Variants in EYS observed in about 807,000 individuals in gnomAD.
EYS encodes EGF-like photoreceptor maintenance factor.
EYS carries 250 observed loss-of-function variants against 282.1 expected under a neutral mutation model. That is an observed-to-expected ratio of 0.89 (90% CI 0.80 to 0.98). EYS has a LOEUF of 0.98. EYS is among the 50% of genes least tolerant of loss of function. The probability of loss-of-function intolerance (pLI) is 0.00; values close to 1 mark genes in which losing one functional copy is unlikely to be tolerated. For missense variants in EYS, 4,016 were observed against 3,709.0 expected (o/e 1.08, Z -2.15); for synonymous variants, 1,355 against 1,282.9 (o/e 1.06, Z -1.20).
At chr6:64,582,496 T>C (rs1766102837) in intron 26 of EYS, among the ~76,000 whole-genome samples, 2 of 152,066 alleles carry the variant, frequency 1.3e-5, no homozygotes, top group Admixed American at 1.3e-4. Context: ...ATTGGTATAG[T>C]TATAGCTGTG....
At chr6:63,799,525 C>T (rs1770734147) in intron 37 of EYS, among the ~76,000 whole-genome samples, 1 of 152,056 alleles carries the variant, frequency 6.6e-6, no homozygotes, top group Admixed American at 6.6e-5. Flanking sequence ...GAGAGACTTT[C>T]AGTTAGTGAA....
chr6:65,288,647 A>G lies in EYS; in HGVS notation c.2023+7216T>C, dbSNP rs1582104172. ...AGTTACCATACATATGGCAAAAGAC[A>G]CTAGTTGGAATTTCACAAATGTAGG... On this transcript the variant is annotated intron_variant, in intron 12 of 42. Coordinates refer to ENST00000503581, the MANE Select transcript of EYS (RefSeq NM_001142800.2). 4.0e-5 allele frequency among the ~76,000 whole-genome samples: 6 copies of G among 151,174 alleles called. No individual in the cohort carries two copies. The South Asian group carries it at 1.0e-3, about 26-fold the overall frequency.
At chr6:63,799,520 A>G (rs1324672009) in intron 37 of EYS, among the ~76,000 whole-genome samples, 1 of 152,098 alleles carries the variant, frequency 6.6e-6, no homozygotes, top group Non-Finnish European at 1.5e-5. Context: ...CCACAGAGAG[A>G]CTTTCAGTTA....
intron 33 of EYS, among the ~76,000 whole-genome samples, chr6:64,049,141 A>T (rs949623297): frequency 2.6e-5 from 4 of 152,184 alleles, no homozygotes; most frequent in Admixed American, 2.6e-4. Flanking sequence ...ATAAACAGTG[A>T]TCAGTTGTTT....
chr6:64,086,718 C>T (rs1005975425), intron 31 of EYS, among the ~76,000 whole-genome samples: 1 of 152,044 alleles, frequency 6.6e-6, no homozygotes, highest in Admixed American at 6.6e-5. Context: ...CAATTGTTGG[C>T]ATAAATATAG....
At chr6:65,482,581 C>A (rs1383316170) in intron 5 of EYS, among the ~76,000 whole-genome samples, 1 of 152,192 alleles carries the variant, frequency 6.6e-6, no homozygotes, top group Non-Finnish European at 1.5e-5. Context: ...CTATTCTTCA[C>A]AAATTCTACC....
chr6:64,803,655 T>C (rs932715555), intron 22 of EYS, among the ~76,000 whole-genome samples: 2 of 152,140 alleles, frequency 1.3e-5, no homozygotes, highest in African/African-American at 4.8e-5. Context: ...TGCAGGTCCA[T>C]AGGGAGCTAC....
At chr6:64,408,753 CTT>C (rs1486177567) in intron 28 of EYS, among the ~76,000 whole-genome samples, 3 of 152,118 alleles carry the variant, frequency 2.0e-5, no homozygotes, top group African/African-American at 4.8e-5. Context: ...CAATATGACT[CTT>C]TTGTTTTTTC....
intron 33 of EYS, among the ~76,000 whole-genome samples, chr6:64,057,330 T>C (rs1771018347): frequency 6.6e-6 from 1 of 152,030 alleles, no homozygotes; most frequent in Non-Finnish European, 1.5e-5. Flanking sequence ...AGCAACTTGT[T>C]GAGGAGGAAT....
chr6:63,912,403 T>G (rs1019485361), intron 35 of EYS, among the ~76,000 whole-genome samples: 1 of 152,124 alleles, frequency 6.6e-6, no homozygotes, highest in Non-Finnish European at 1.5e-5. Flanking sequence ...ATTTTAATAA[T>G]ATATTCTTTT....
At chr6:64,346,731 A>C (rs1219566388) in intron 29 of EYS, among the ~76,000 whole-genome samples, 1 of 151,546 alleles carries the variant, frequency 6.6e-6, no homozygotes, top group Admixed American at 6.6e-5. Flanking sequence ...AACAAAACAA[A>C]AAAACATTTT....
chr6:64,204,676 G>T (rs1166430257), intron 31 of EYS, among the ~76,000 whole-genome samples: 1 of 152,118 alleles, frequency 6.6e-6, no homozygotes, highest in Non-Finnish European at 1.5e-5. Context: ...GCAAACAGTG[G>T]ATGCTTCTGG....
intron 31 of EYS, among the ~76,000 whole-genome samples, chr6:64,156,347 TC>T (rs1460856803): frequency 1.3e-5 from 2 of 152,174 alleles, no homozygotes; most frequent in African/African-American, 4.8e-5. Context: ...TTCTGAGGCC[TC>T]CCCAGTCATG....
At chr6:64,384,313 A>G (rs1411838239) in intron 29 of EYS, among the ~76,000 whole-genome samples, 3 of 152,232 alleles carry the variant, frequency 2.0e-5, no homozygotes, top group African/African-American at 7.2e-5. Flanking sequence ...TGTTGAAATT[A>G]TAAACTAATT....
intron 2 of EYS, among the ~76,000 whole-genome samples, chr6:65,513,943 C>T (rs1002885953): frequency 1.6e-4 from 24 of 152,050 alleles, no homozygotes; most frequent in Non-Finnish European, 2.9e-4. Context: ...CTGGTCAGGG[C>T]AATTAGGCAG....
chr6:65,663,790 C>T (rs553404570), intron 1 of EYS, among the ~76,000 whole-genome samples: 24 of 151,530 alleles, frequency 1.6e-4, no homozygotes, highest in African/African-American at 4.6e-4. Context: ...CAGGCCATTT[C>T]CTGCCTCAGC....
intron 14 of EYS, among the ~76,000 whole-genome samples, chr6:64,983,044 C>T (rs1770731550): frequency 6.6e-6 from 1 of 151,084 alleles, no homozygotes; most frequent in African/African-American, 2.4e-5. Context: ...TTAAACGGTT[C>T]TTATTTTATA....
At chr6:64,562,879 T>C (rs913941483) in intron 26 of EYS, among the ~76,000 whole-genome samples, 1 of 151,994 alleles carries the variant, frequency 6.6e-6, no homozygotes, top group Non-Finnish European at 1.5e-5. Context: ...ATTAACTGGA[T>C]TTTCATAGAT....
intron 14 of EYS, among the ~76,000 whole-genome samples, chr6:64,964,500 T>C (rs1364296587): frequency 1.3e-5 from 2 of 152,162 alleles, no homozygotes; most frequent in Non-Finnish European, 2.9e-5. Flanking sequence ...ACTGAGATAA[T>C]TCGTATATTC....
Sources: gnomAD v4.1 joint callset for allele counts (sites outside exome capture counted in the v4.1 genomes callset) on GRCh38, gnomAD v4.1.1 for gene constraint, MANE v1.5 for transcripts, NCBI Gene and HGNC (gene_info 2026-07-23, HGNC 2026-07-21) for gene names.